KCNIP4: variants seen among roughly 807,000 people sequenced by gnomAD.
KCNIP4 encodes Kv channel-interacting protein 4.
In KCNIP4, 12 loss-of-function variants were observed where a neutral mutation model predicts 34.0. The observed-to-expected ratio is 0.35, with a 90% CI of 0.23 to 0.57. KCNIP4 has a LOEUF of 0.57. KCNIP4 is among the 20% of genes least tolerant of loss of function. The pLI is 0.83. For missense variants in KCNIP4, 238 were observed against 311.7 expected (o/e 0.76, Z 1.78); for synonymous variants, 124 against 102.2 (o/e 1.21, Z -1.29).
intron 1 of KCNIP4, among the ~76,000 whole-genome samples, chr4:21,523,715 G>T (rs1735733757): frequency 6.6e-6 from 1 of 151,942 alleles, no homozygotes; most frequent in South Asian, 2.1e-4. Context: ...GGGACTACAG[G>T]TGTGTGCCAC....
intron 1 of KCNIP4, among the ~76,000 whole-genome samples, chr4:21,945,322 G>A (rs1411325818): frequency 6.6e-6 from 1 of 151,976 alleles, no homozygotes; most frequent in Non-Finnish European, 1.5e-5. Context: ...GGGGAGAGAG[G>A]GTGGCTGAAT....
chr4:21,380,862 A>G (rs1404684279), intron 1 of KCNIP4, among the ~76,000 whole-genome samples: 1 of 149,976 alleles, frequency 6.7e-6, no homozygotes, highest in Admixed American at 6.7e-5. Flanking sequence ...ACACACACGA[A>G]TTGGCTTGAA....
rs1747485589 is a variant in KCNIP4, at chr4:20,729,827, C to CTAT, written c.*252_*254dup. On this transcript the variant is annotated 3_prime_UTR_variant, in exon 9 of 9. Coordinates refer to ENST00000382152, the MANE Select transcript of KCNIP4 (RefSeq NM_025221.6). ...AACCAATAAAACTATATGCCAGATT[C>CTAT]TATTACTTTTGAATATTCACAGAGT... The CTAT allele has an allele frequency of 6.3e-5, 23 of 363,954 alleles. No individual in the cohort carries two copies. In the South Asian group the frequency reaches 2.3e-3, roughly 37 times the overall value. The allele number at this position is 363,954 out of a possible 1,614,324, so 22.5% of individuals were successfully genotyped here.
In KCNIP4 at chr4:20,976,783, T is replaced by C. The variant is rs1735531544; in HGVS notation, c.62-94074A>G. ...ACTGTGGACCCATGGTTGATCAATA[T>C]AACAACAAGAGCACTCTATAATCAT... On this transcript the variant is annotated intron_variant, in intron 1 of 8. Coordinates refer to ENST00000382152, the MANE Select transcript of KCNIP4 (RefSeq NM_025221.6). Among the ~76,000 whole-genome samples, 3 of 152,158 alleles carry C rather than the reference T, an allele frequency of 2.0e-5. No individual in the cohort carries two copies. In the South Asian group the frequency reaches 6.2e-4, roughly 32 times the overall value.
chr4:21,742,488 C>T (rs1395022902), intron 1 of KCNIP4, among the ~76,000 whole-genome samples: 1 of 152,166 alleles, frequency 6.6e-6, no homozygotes, highest in Admixed American at 6.6e-5. Flanking sequence ...AAGTAGAAAG[C>T]TGGCATTTTA....
At chr4:21,048,569 T>A (rs1346164208) in intron 1 of KCNIP4, among the ~76,000 whole-genome samples, 1 of 152,172 alleles carries the variant, frequency 6.6e-6, no homozygotes, top group Non-Finnish European at 1.5e-5. Context: ...GGCTACAGAT[T>A]TTGTTGTATT....
intron 1 of KCNIP4, among the ~76,000 whole-genome samples, chr4:21,279,189 A>T (rs1236699644): frequency 6.6e-6 from 1 of 152,208 alleles, no homozygotes; most frequent in Non-Finnish European, 1.5e-5. Context: ...ATTTTGCATC[A>T]ACGTAATGGT....
chr4:21,271,986 T>C (rs1200228240), intron 1 of KCNIP4, among the ~76,000 whole-genome samples: 1 of 152,162 alleles, frequency 6.6e-6, no homozygotes, highest in Non-Finnish European at 1.5e-5. Context: ...TTTTAAAAAA[T>C]TGTCATTACT....
At chr4:21,567,997 T>C (rs1194407310) in intron 1 of KCNIP4, among the ~76,000 whole-genome samples, 1 of 152,158 alleles carries the variant, frequency 6.6e-6, no homozygotes, top group African/African-American at 2.4e-5. Flanking sequence ...AGCGCTGCTA[T>C]GTAGTTTTTA....
intron 1 of KCNIP4, among the ~76,000 whole-genome samples, chr4:21,022,895 G>A (rs1740201762): frequency 6.6e-6 from 1 of 151,246 alleles, no homozygotes; most frequent in Admixed American, 6.6e-5. Flanking sequence ...GTGTGATCTC[G>A]GCTCACTGCA....
chr4:21,944,805 C>T (rs763465112), intron 1 of KCNIP4, among the ~76,000 whole-genome samples: 23 of 152,006 alleles, frequency 1.5e-4, no homozygotes, highest in Non-Finnish European at 2.6e-4. Context: ...CAGGACGACA[C>T]GAATTGAGAA....
intron 1 of KCNIP4, among the ~76,000 whole-genome samples, chr4:21,774,657 T>C (rs916211636): frequency 6.6e-6 from 1 of 152,028 alleles, no homozygotes; most frequent in African/African-American, 2.4e-5. Flanking sequence ...TTTTCCTCTA[T>C]TCTTAGACAA....
At chr4:21,118,435 G>T (rs1749872823) in intron 1 of KCNIP4, among the ~76,000 whole-genome samples, 1 of 152,220 alleles carries the variant, frequency 6.6e-6, no homozygotes, top group East Asian at 1.9e-4. Context: ...TAGGTAACCT[G>T]CCCTCAGCTT....
intron 1 of KCNIP4, among the ~76,000 whole-genome samples, chr4:21,144,733 T>A (rs1253916160): frequency 1.3e-5 from 2 of 152,232 alleles, no homozygotes; most frequent in African/African-American, 4.8e-5. Context: ...AATATTTTCC[T>A]CCTCAGTCAA....
At chr4:21,651,361 T>C (rs1427926416) in intron 1 of KCNIP4, among the ~76,000 whole-genome samples, 1 of 152,172 alleles carries the variant, frequency 6.6e-6, no homozygotes, top group African/African-American at 2.4e-5. Flanking sequence ...ACAGGAAATA[T>C]GGATGTTCAC....
chr4:21,417,488 T>A (rs1725061878), intron 1 of KCNIP4, among the ~76,000 whole-genome samples: 1 of 152,258 alleles, frequency 6.6e-6, no homozygotes, highest in South Asian at 2.1e-4. Flanking sequence ...TTTTGTGGCA[T>A]TAAAAATGAG....
chr4:20,975,831 A>G (rs898037316), intron 1 of KCNIP4, among the ~76,000 whole-genome samples: 3 of 152,198 alleles, frequency 2.0e-5, no homozygotes, highest in Admixed American at 1.3e-4. Flanking sequence ...ATTGTTTCAC[A>G]TGTAAAATAA....
intron 1 of KCNIP4, among the ~76,000 whole-genome samples, chr4:21,373,962 C>G (rs1194656247): frequency 1.3e-5 from 1 of 79,602 alleles, no homozygotes; most frequent in Non-Finnish European, 2.8e-5. Flanking sequence ...ACCTCGGCCT[C>G]CCAAGGTATT....
intron 1 of KCNIP4, among the ~76,000 whole-genome samples, chr4:21,807,136 T>C (rs1721345548): frequency 6.6e-6 from 1 of 152,108 alleles, no homozygotes; most frequent in African/African-American, 2.4e-5. Context: ...AGGGTTCATG[T>C]GTCTATGAGA....
Sources: allele counts gnomAD v4.1 joint callset (sites outside exome capture counted in the v4.1 genomes callset), GRCh38; gene constraint gnomAD v4.1.1; transcripts MANE v1.5; gene names NCBI Gene and HGNC (gene_info 2026-07-23, HGNC 2026-07-21).